The following LCOR variants were observed in gnomAD, a reference collection of about 807,000 sequenced individuals.
LCOR encodes the protein ligand-dependent corepressor.
In LCOR, 14 loss-of-function variants were observed where a neutral mutation model predicts 64.4. That is an observed-to-expected ratio of 0.22 (90% CI 0.14 to 0.34). LCOR has a LOEUF of 0.34. Among genes scored for constraint, LCOR ranks in the 10% least tolerant of loss-of-function variants. LCOR has a pLI of 1.00. For missense variants in LCOR, 1,686 were observed against 1,765.3 expected, an observed-to-expected ratio of 0.96 and a Z score of 0.80; for synonymous variants, 643 against 642.5, an observed-to-expected ratio of 1.00 and a Z score of -0.01.
intron 7 of LCOR, among the ~76,000 whole-genome samples, chr10:96,966,000 A>C (rs1847946000): frequency 6.6e-6 from 1 of 152,014 alleles, no homozygotes; most frequent in Non-Finnish European, 1.5e-5. Context: ...TCAGCTCTTC[A>C]GTTGTTATAA....
intron 2 of LCOR, among the ~76,000 whole-genome samples, chr10:96,864,005 A>G (rs1378018382): frequency 6.6e-6 from 1 of 152,192 alleles, no homozygotes; most frequent in East Asian, 1.9e-4. Flanking sequence ...TTCTGATGTG[A>G]AACACCTGTC....
At chr10:96,855,764 CG>C (rs752219254) in intron 2 of LCOR, among the ~76,000 whole-genome samples, 9 of 147,464 alleles carry the variant, frequency 6.1e-5, no homozygotes, top group Non-Finnish European at 1.2e-4. Flanking sequence ...TGTTTTGAGA[CG>C]GAGTCTCACT....
intron 2 of LCOR, among the ~76,000 whole-genome samples, chr10:96,869,813 G>A (rs1323611283): frequency 6.6e-6 from 1 of 151,648 alleles, no homozygotes; most frequent in African/African-American, 2.4e-5. Context: ...GACCTCAGGT[G>A]ATCTGCCCAC....
chr10:96,898,010 G>A (rs1846571240), intron 2 of LCOR, among the ~76,000 whole-genome samples: 1 of 151,880 alleles, frequency 6.6e-6, no homozygotes, highest in Admixed American at 6.6e-5. Flanking sequence ...AATGATGTAG[G>A]AATTAAAAAG....
At chr10:96,935,336 A>T (rs937929079) in intron 4 of LCOR, among the ~76,000 whole-genome samples, 7 of 151,748 alleles carry the variant, frequency 4.6e-5, no homozygotes, top group Non-Finnish European at 8.8e-5. Flanking sequence ...TTTAGCGGAG[A>T]TGGGGTTTCA....
intron 2 of LCOR, among the ~76,000 whole-genome samples, chr10:96,873,043 G>A (rs894356838): frequency 6.6e-6 from 1 of 150,576 alleles, no homozygotes; most frequent in Non-Finnish European, 1.5e-5. Context: ...ACACAGATAG[G>A]GTGAGCAAAG....
chr10:96,871,416 CTT>C (rs1457421356), intron 2 of LCOR, among the ~76,000 whole-genome samples: 1 of 151,002 alleles, frequency 6.6e-6, no homozygotes. Context: ...TAGACCTTTA[CTT>C]TTTTCTTTTT....
In LCOR at chr10:96,832,963, C is replaced by G. The variant is rs1248396132; in HGVS notation, c.-403-443C>G. ...GCCCGGCGCTCGGGCGTGTGCGAAGCGTGAGGTGGAGATGGGGGCGGAGGG... is the reference window on the plus strand; with the variant it reads ...GCCCGGCGCTCGGGCGTGTGCGAAGGGTGAGGTGGAGATGGGGGCGGAGGG... On this transcript the variant is annotated intron_variant, in intron 1 of 7. Transcript: ENST00000421806. 5 of 982,044 alleles carry G rather than the reference C, an allele frequency of 5.1e-6. No individual in the cohort carries two copies. In the African/African-American group the frequency reaches 8.8e-5, roughly 17 times the overall value. 60.8% of individuals were successfully genotyped at this position (982,044 alleles called of 1,614,324 possible). A position where few individuals can be genotyped will look rare whatever the true frequency, so the allele number is the denominator to read the frequency against.
intron 4 of LCOR, among the ~76,000 whole-genome samples, chr10:96,910,957 G>A (rs965278810): frequency 2.6e-4 from 39 of 152,218 alleles, no homozygotes; most frequent in African/African-American, 9.2e-4. Context: ...AGTAGAACAG[G>A]GATTCACCTA....
chr10:96,975,808 A>G (rs1010442624), intron 7 of LCOR, among the ~76,000 whole-genome samples: 1 of 152,056 alleles, frequency 6.6e-6, no homozygotes, highest in African/African-American at 2.4e-5. Flanking sequence ...TGAGGTCAGG[A>G]GTTCGAGACC....
At chr10:96,944,342 T>G (rs1847550288) in intron 5 of LCOR, 97 bp downstream of exon 5, 1 of 643,002 alleles carries the variant, frequency 1.6e-6, no homozygotes, top group African/African-American at 2.0e-5. Flanking sequence ...TTAAAAACAT[T>G]TTTCTTTATT....
At chr10:96,938,154 T>C (rs1054052478) in intron 4 of LCOR, among the ~76,000 whole-genome samples, 1 of 152,054 alleles carries the variant, frequency 6.6e-6, no homozygotes, top group Non-Finnish European at 1.5e-5. Flanking sequence ...GACGGGGGTC[T>C]CCCTATGTTG....
intron 2 of LCOR, among the ~76,000 whole-genome samples, chr10:96,861,941 A>G (rs1332879890): frequency 6.6e-6 from 1 of 152,198 alleles, no homozygotes; most frequent in Non-Finnish European, 1.5e-5. Flanking sequence ...TCAGACAGCA[A>G]TCTTAAGTCT....
chr10:96,895,864 C>T (rs750500925), intron 2 of LCOR, among the ~76,000 whole-genome samples: 5 of 152,220 alleles, frequency 3.3e-5, no homozygotes, highest in Admixed American at 6.5e-5. Context: ...AGAAGGATCG[C>T]TTGAGACCAG....
At chr10:96,968,124 A>G (rs764540695) in intron 7 of LCOR, among the ~76,000 whole-genome samples, 1 of 152,216 alleles carries the variant, frequency 6.6e-6, no homozygotes, top group Admixed American at 6.5e-5. Flanking sequence ...ACAGCTCAGC[A>G]TTGTTAAGTA....
chr10:96,969,177 AGAGT>A (rs1217737389), intron 7 of LCOR, among the ~76,000 whole-genome samples: 1 of 152,220 alleles, frequency 6.6e-6, no homozygotes, highest in African/African-American at 2.4e-5. Context: ...GAGGGATAGA[AGAGT>A]GAGAAAGTCA....
chr10:96,930,883 A>G (rs1845386991), intron 4 of LCOR, among the ~76,000 whole-genome samples: 1 of 152,162 alleles, frequency 6.6e-6, no homozygotes, highest in African/African-American at 2.4e-5. Flanking sequence ...TGTTGCCATG[A>G]TTGTGGAATT....
intron 2 of LCOR, among the ~76,000 whole-genome samples, chr10:96,874,758 C>G (rs1039780731): frequency 6.6e-6 from 1 of 151,946 alleles, no homozygotes; most frequent in African/African-American, 2.4e-5. Context: ...CTGCCTCAGC[C>G]TCCTGAGTAG....
intron 2 of LCOR, among the ~76,000 whole-genome samples, chr10:96,867,725 C>A (rs1419058424): frequency 6.6e-6 from 1 of 152,018 alleles, no homozygotes; most frequent in East Asian, 1.9e-4. Context: ...AGCAAAACCT[C>A]ATCTCTATTT....
Sources: allele counts gnomAD v4.1 joint callset (sites outside exome capture counted in the v4.1 genomes callset), GRCh38; gene constraint gnomAD v4.1.1; transcripts MANE v1.5; gene names NCBI Gene and HGNC (gene_info 2026-07-23, HGNC 2026-07-21).